Variants in NR1H4 observed in about 807,000 individuals in gnomAD.
NR1H4 encodes nuclear receptor subfamily 1 group H member 4, also known as bile acid receptor.
Under a neutral mutation model 58.5 loss-of-function variants are expected in NR1H4, and 23 were observed. That is an observed-to-expected ratio of 0.39 (90% CI 0.28 to 0.56). The LOEUF (loss-of-function observed/expected upper bound fraction) is 0.56, where lower values mean the gene tolerates loss of function less well. Among genes scored for constraint, NR1H4 ranks in the 20% least tolerant of loss-of-function variants. The pLI, the probability that NR1H4 is intolerant of heterozygous loss-of-function variation, is 0.58. For synonymous variants in NR1H4, 214 were observed against 198.0 expected, an observed-to-expected ratio of 1.08 and a Z score of -0.68; for missense variants, 487 against 576.9, an observed-to-expected ratio of 0.84 and a Z score of 1.60.
At chr12:100,539,570 CATGTGAGTGT>C (rs1954889847) in intron 8 of NR1H4, among the ~76,000 whole-genome samples, 1 of 152,164 alleles carries the variant, frequency 6.6e-6, no homozygotes, top group Admixed American at 6.5e-5. Context: ...TATCTCTATT[CATGTGAGTGT>C]ATGTGCCAGC....
intron 9 of NR1H4, among the ~76,000 whole-genome samples, chr12:100,559,631 G>A (rs570295824): frequency 6.6e-6 from 1 of 152,342 alleles, no homozygotes; most frequent in South Asian, 2.1e-4. Context: ...GGCAGGGCTC[G>A]GGACCTGCAG....
chr12:100,559,161 TATGTG>T (rs10551599), intron 9 of NR1H4, among the ~76,000 whole-genome samples: 152,251 of 152,256 alleles, frequency 1, 76,123 homozygotes, highest in Middle Eastern at 1. Context: ...AGAGAGAAAG[TATGTG>T]ATGTGATCTG....
At position 100,536,816 on chromosome 12, in the gene NR1H4, C is replaced by A. The variant is rs138965284; in HGVS notation, c.832-132C>A. The A allele has an allele frequency of 5.4e-5, 37 of 680,108 alleles. No individual in the cohort carries two copies. The East Asian group carries it at 8.4e-4, about 15-fold the overall frequency. 42.1% of individuals were successfully genotyped at this position (680,108 alleles called of 1,614,324 possible). ...TATCTTGATAATGGTAATTGCCCTC[C>A]AAAGATCTGAGAAATAGTAAGATGG... On this transcript the variant is annotated intron_variant, in intron 7 of 10. Transcript: ENST00000392986.
intron 4 of NR1H4, among the ~76,000 whole-genome samples, chr12:100,518,235 C>A (rs1954316891): frequency 6.6e-6 from 1 of 152,064 alleles, no homozygotes; most frequent in African/African-American, 2.4e-5. Flanking sequence ...CAAGGACAAC[C>A]CTGGAAAACA....
At chr12:100,483,806 A>T (rs1953431828) in intron 1 of NR1H4, among the ~76,000 whole-genome samples, 1 of 152,072 alleles carries the variant, frequency 6.6e-6, no homozygotes, top group Non-Finnish European at 1.5e-5. Flanking sequence ...CAACATGGTG[A>T]AACCCTGTCT....
chr12:100,507,013 G>A (rs545977978), intron 3 of NR1H4, among the ~76,000 whole-genome samples: 5 of 152,218 alleles, frequency 3.3e-5, no homozygotes, highest in African/African-American at 1.2e-4. Context: ...TAATTGTTTT[G>A]TTGAAATAAT....
intron 10 of NR1H4, among the ~76,000 whole-genome samples, chr12:100,562,373 A>G (rs762260177): frequency 1.3e-5 from 2 of 152,224 alleles, no homozygotes; most frequent in Non-Finnish European, 2.9e-5. Context: ...TAATGAGAAT[A>G]TAAAGAAAGA....
chr12:100,563,127 A>C, intron 10 of NR1H4, 124 bp from the exon 11 acceptor site: 1 of 787,242 alleles, frequency 1.3e-6, no homozygotes, highest in African/African-American at 1.7e-5. Context: ...TTGAACACTT[A>C]ATTTTCACAT....
chr12:100,481,169 G>C (rs1039607744), intron 1 of NR1H4, among the ~76,000 whole-genome samples: 1 of 152,056 alleles, frequency 6.6e-6, no homozygotes, highest in African/African-American at 2.4e-5. Context: ...AACTCACATT[G>C]TAAGAGCGTG....
At chr12:100,555,891 G>A (rs189188410) in intron 9 of NR1H4, among the ~76,000 whole-genome samples, 2 of 152,266 alleles carry the variant, frequency 1.3e-5, no homozygotes, top group Non-Finnish European at 2.9e-5. Flanking sequence ...TGCACTTTAA[G>A]TTGTATCTAG....
At chr12:100,492,698 A>G (rs766403381) in intron 2 of NR1H4, 61 bp downstream of exon 2, 2 of 152,464 alleles carry the variant, frequency 1.3e-5, no homozygotes, top group South Asian at 2.1e-4. Context: ...GGATCAATAC[A>G]TGACCAAGGT....
At chr12:100,530,865 G>C (rs1954675060) in intron 4 of NR1H4, among the ~76,000 whole-genome samples, 1 of 152,174 alleles carries the variant, frequency 6.6e-6, no homozygotes, top group African/African-American at 2.4e-5. Flanking sequence ...TGAGTAGGTT[G>C]ACATGTATCC....
rs141635371 is a variant in NR1H4, at chr12:100,540,956, T to C, written c.1078+138T>C. On this transcript the variant is annotated intron_variant, in intron 9 of 10. Coordinates refer to ENST00000392986, the MANE Select transcript of NR1H4 (RefSeq NM_001206979.2). Reference sequence around the variant, plus strand: ...AGCATGAAGAATGGCTCTAAAAAGATATGTGTTAAATTGATAAGACTTCTA... The same window carrying C: ...AGCATGAAGAATGGCTCTAAAAAGACATGTGTTAAATTGATAAGACTTCTA... The C allele has an allele frequency of 7.3e-4, 623 of 848,092 alleles. 3 individuals are homozygous for C. In the African/African-American group the frequency reaches 9.3e-3, roughly 13 times the overall value. The allele number at this position is 848,092 out of a possible 1,614,324, so 52.5% of individuals were successfully genotyped here.
At chr12:100,504,677 T>C (rs1364906981) in intron 3 of NR1H4, among the ~76,000 whole-genome samples, 2 of 152,196 alleles carry the variant, frequency 1.3e-5, no homozygotes, top group East Asian at 1.9e-4. Context: ...AGGCACTACA[T>C]TCTTTCAGCT....
intron 4 of NR1H4, among the ~76,000 whole-genome samples, chr12:100,530,922 G>A (rs1011498925): frequency 1.3e-5 from 2 of 152,168 alleles, no homozygotes; most frequent in African/African-American, 4.8e-5. Flanking sequence ...TTTCACCCGA[G>A]AAGTTGAAAG....
chr12:100,491,676 G>C (rs1354690259), intron 1 of NR1H4, among the ~76,000 whole-genome samples: 2 of 151,756 alleles, frequency 1.3e-5, no homozygotes, highest in Non-Finnish European at 2.9e-5. Context: ...TTGGCAGTAG[G>C]GCTTGGTGGA....
intron 3 of NR1H4, chr12:100,505,545 C>T: frequency 1.4e-6 from 1 of 698,928 alleles, no homozygotes; most frequent in Non-Finnish European, 2.6e-6. Flanking sequence ...TGGAGACTGT[C>T]TAACCAGAAG....
chr12:100,544,049 G>A (rs1446342117), intron 9 of NR1H4, among the ~76,000 whole-genome samples: 1 of 151,964 alleles, frequency 6.6e-6, no homozygotes, highest in African/African-American at 2.4e-5. Flanking sequence ...TCAGGAGATC[G>A]AGACCATCCT....
In NR1H4 at chr12:100,474,044, A is replaced by G. The variant is rs532510468; in HGVS notation, c.-205A>G. 7 of 152,276 alleles carry G rather than the reference A, an allele frequency of 4.6e-5. No homozygotes were observed. Among genetic ancestry groups the G allele is most frequent in the Admixed American group, 4.6e-4 (7 of 15,284 alleles). The allele number at this position is 152,276 out of a possible 1,614,324, so 9.4% of individuals were successfully genotyped here. A position where few individuals can be genotyped will look rare whatever the true frequency, so the allele number is the denominator to read the frequency against. ...CCAGGGCCTTGAAAGTCCATCTCTGACCCAAAACAATCCAAGTAAGTACCT... is the reference window on the plus strand; with the variant it reads ...CCAGGGCCTTGAAAGTCCATCTCTGGCCCAAAACAATCCAAGTAAGTACCT... On this transcript the variant is annotated 5_prime_UTR_variant, in exon 1 of 11. Coordinates refer to ENST00000392986, the MANE Select transcript of NR1H4 (RefSeq NM_001206979.2).
Sources: allele counts gnomAD v4.1 joint callset (sites outside exome capture counted in the v4.1 genomes callset), GRCh38; gene constraint gnomAD v4.1.1; transcripts MANE v1.5; gene names NCBI Gene and HGNC (gene_info 2026-07-23, HGNC 2026-07-21).